PCDHB3: variants seen among roughly 807,000 people sequenced by gnomAD.
PCDHB3 encodes the protein protocadherin beta-3.
For synonymous variants in PCDHB3, 479 were observed against 456.0 expected (o/e 1.05, Z -0.64); for missense variants, 967 against 1,012.1 (o/e 0.96, Z 0.60).
In PCDHB3 at chr5:141,103,092, TTTTTTACTG is replaced by T. The variant is rs1554272747; in HGVS notation, c.*53_*61del. ...GTCTTAGTTAATCTGTGGAAAGTCC[TTTTTTACTG>T]CTTTGTCCATTGGAGAGGTCTTTTT... On this transcript the variant is annotated 3_prime_UTR_variant, in exon 1 of 1. Coordinates refer to ENST00000231130, the MANE Select transcript of PCDHB3 (RefSeq NM_018937.5). 2.6e-6 allele frequency: 4 copies of T among 1,543,558 alleles called. No homozygotes were observed. The African/African-American group carries it at 5.5e-5, about 21-fold the overall frequency.
Position 141,102,310 on chromosome 5 carries a change from C to T in PCDHB3, c.1661C>T (p.Ala554Val), listed in dbSNP as rs1554272537. The change falls in exon 1 of 1, where the codon GCC becomes GTC. Residue 554 changes from alanine (A) to valine (V), a missense_variant. Transcript: ENST00000231130. ...EALVRVLVLD[A>V]NDNSPFVLYP... Reference sequence around the variant, plus strand: ...CTGGTGCGCGTGCTGGTGCTGGACGCCAACGACAACTCGCCCTTCGTGCTG... The same window carrying T: ...CTGGTGCGCGTGCTGGTGCTGGACGTCAACGACAACTCGCCCTTCGTGCTG... 1.2e-6 allele frequency: 2 copies of T among 1,611,664 alleles called. No individual in the cohort carries two copies. The highest frequency in any genetic ancestry group is 1.7e-6 in the Non-Finnish European group (2 of 1,179,688).
rs782181648 is a variant in PCDHB3, at chr5:141,101,267, G to C, written c.618G>C (p.Pro206=). The change falls in exon 1 of 1, where the codon CCG becomes CCC. Residue 206 remains proline, a synonymous_variant. Coordinates refer to ENST00000231130, the MANE Select transcript of PCDHB3 (RefSeq NM_018937.5). ...LDKALDPEEQ[P]ELSLTLTALD... is the part of the protein sequence containing the mutation. The stretch of plus-strand genomic sequence containing the variant: ...AAGCGCTCGATCCGGAGGAGCAGCC[G>C]GAACTCAGCTTAACGCTCACCGCGC... The C allele has an allele frequency of 6.2e-7, 1 of 1,614,154 alleles. No individual in the cohort carries two copies.
At position 141,102,779 on chromosome 5, in the gene PCDHB3, G is replaced by C; in HGVS notation, c.2130G>C (p.Ala710=). The change falls in exon 1 of 1, where the codon GCG becomes GCC. Residue 710 remains alanine, a synonymous_variant. Coordinates refer to ENST00000231130, the MANE Select transcript of PCDHB3 (RefSeq NM_018937.5). The part of the protein sequence containing the change: ...LFLFSVLLFV[A]VRLCRRSRAA... ...TCTTTTCGGTGCTCCTGTTCGTGGC[G>C]GTGCGGCTGTGCAGGAGGAGCAGGG... The C allele has an allele frequency of 6.2e-7, 1 of 1,612,240 alleles. No homozygotes were observed. Among genetic ancestry groups the C allele is most frequent in the Non-Finnish European group, 8.5e-7 (1 of 1,179,776 alleles).
rs1415382355 is a variant in PCDHB3, at chr5:141,101,226, G to A, written c.577G>A (p.Glu193Lys). 4 of 1,614,122 alleles carry A rather than the reference G, an allele frequency of 2.5e-6. No homozygotes were observed. The highest frequency in any genetic ancestry group is 3.4e-6 in the Non-Finnish European group (4 of 1,180,022). ...RSRRDGRKYP[E>K]LVLDKALDPE... is the part of the protein sequence containing the mutation. Reference sequence around the variant, plus strand: ...TCGTAGGGACGGAAGGAAGTACCCGGAACTAGTACTGGATAAAGCGCTCGA... The same window carrying A: ...TCGTAGGGACGGAAGGAAGTACCCGAAACTAGTACTGGATAAAGCGCTCGA... Residue 193 changes from glutamate (E) to lysine (K), a missense_variant, in exon 1 of 1, where the codon GAA (glutamate) becomes AAA (lysine). Physicochemically the swap from Glu to Lys is moderately conservative, Grantham distance 56. Coordinates refer to ENST00000231130, the MANE Select transcript of PCDHB3 (RefSeq NM_018937.5).
chr5:141,103,143 A>G lies in PCDHB3; in HGVS notation c.*103A>G. ...GGTCTTTTTTGGTCTGGTTCAAGGC[A>G]AGTAGCAAGAATAGAGCAAAATATC... On this transcript the variant is annotated 3_prime_UTR_variant, in exon 1 of 1. Coordinates refer to ENST00000231130, the MANE Select transcript of PCDHB3 (RefSeq NM_018937.5). The G allele has an allele frequency of 7.3e-7, 1 of 1,371,950 alleles. No individual in the cohort carries two copies. Among genetic ancestry groups the G allele is most frequent in the South Asian group, 1.4e-5 (1 of 69,522 alleles). 85.0% of individuals were successfully genotyped at this position (1,371,950 alleles called of 1,614,324 possible). A position where few individuals can be genotyped will look rare whatever the true frequency, so the allele number is the denominator to read the frequency against.
In PCDHB3 at chr5:141,101,970, G is replaced by A. The variant is rs1191665643; in HGVS notation, c.1321G>A (p.Val441Ile). The change falls in exon 1 of 1, where the codon GTC becomes ATC. Residue 441 changes from valine (V) to isoleucine (I), a missense_variant. Transcript: ENST00000231130. ...LKTKYNITVL[V>I]SDVNDNAPAF... ...AACCAAGTACAACATAACCGTGCTGGTCTCCGACGTCAATGACAACGCCCC... is the reference window on the plus strand; with the variant it reads ...AACCAAGTACAACATAACCGTGCTGATCTCCGACGTCAATGACAACGCCCC... The A allele has an allele frequency of 8.7e-6, 14 of 1,613,568 alleles. No individual in the cohort carries two copies. The highest frequency in any genetic ancestry group is 1.7e-5 in the Admixed American group (1 of 60,018).
chr5:141,102,610 C>T lies in PCDHB3; in HGVS notation c.1961C>T (p.Ala654Val). 6.2e-7 allele frequency: 1 copy of T among 1,608,860 alleles called. No homozygotes were observed. The highest frequency in any genetic ancestry group is 1.7e-5 in the Admixed American group (1 of 60,002). The change falls in exon 1 of 1, where the codon GCC becomes GTC. Residue 654 changes from alanine (A) to valine (V), a missense_variant. Coordinates refer to ENST00000231130, the MANE Select transcript of PCDHB3 (RefSeq NM_018937.5). ...VKDNGEPPRS[A>V]TATLHVLLVD... ...GACAATGGCGAGCCTCCGCGCTCGG[C>T]CACCGCCACGCTGCATGTGCTCCTG...
Position 141,102,169 on chromosome 5 carries a change from A to G in PCDHB3, c.1520A>G (p.Asn507Ser). ...CCCCTCTCTTCCCTGGTCTCCATCA[A>G]CGCGGACAACGGCCACCTGTTTGCC... The part of the protein sequence containing the change: ...HLPLSSLVSI[N>S]ADNGHLFALR... Residue 507 changes from asparagine to serine, a missense_variant, in exon 1 of 1, where the codon AAC (asparagine) becomes AGC (serine). Coordinates refer to ENST00000231130, the MANE Select transcript of PCDHB3 (RefSeq NM_018937.5). 1.2e-6 allele frequency: 2 copies of G among 1,612,978 alleles called. No individual in the cohort carries two copies. Among genetic ancestry groups the G allele is most frequent in the South Asian group, 1.1e-5 (1 of 91,010 alleles).
rs1164608040 is a variant in PCDHB3, at chr5:141,100,718, G to A, written c.69G>A (p.Gly23=). 3 of 1,613,848 alleles carry A rather than the reference G, an allele frequency of 1.9e-6. No homozygotes were observed. Among genetic ancestry groups the A allele is most frequent in the East Asian group, 4.5e-5 (2 of 44,876 alleles). Residue 23 remains glycine (G), a synonymous_variant, in exon 1 of 1, where the codon GGG becomes GGA. Coordinates refer to ENST00000231130, the MANE Select transcript of PCDHB3 (RefSeq NM_018937.5). ...TGCTTCTCTTTGTTTTTCTGGGAGG[G>A]TCTCTGGCTGGGTCCGAGTCAAGAC... The part of the protein sequence containing the change: ...QVLLLFVFLG[G]SLAGSESRRY...
Position 141,101,876 on chromosome 5 carries a change from GGACA to G in PCDHB3, c.1230_1233del (p.Asp410GlufsTer21), listed in dbSNP as rs1563836563. The G allele has an allele frequency of 2.5e-6, 4 of 1,614,028 alleles. No homozygotes were observed. The highest frequency in any genetic ancestry group is 3.4e-6 in the Non-Finnish European group (4 of 1,180,038). ...ACACCCTAGTGTCAGAAGGCGCGCT[GGACA>G]GAGAGACCAGATCCGAGTACAACAT... On this transcript the variant is annotated frameshift_variant, in exon 1 of 1. Transcript: ENST00000231130. LOFTEE classifies it low-confidence loss of function (END_TRUNC).
rs964519938 is a variant in PCDHB3 at position 141,103,302 on chromosome 5, G to A, written c.*262G>A. ...ATATATTGATTCTACTTTTTCTGTA[G>A]TTAATCCTTGCATATTCTCCTTTCA... On this transcript the variant is annotated 3_prime_UTR_variant, in exon 1 of 1. Transcript: ENST00000231130. The A allele has an allele frequency of 5.2e-5, 18 of 343,278 alleles. No individual in the cohort carries two copies. Among genetic ancestry groups the A allele is most frequent in the Non-Finnish European group, 8.8e-5 (17 of 193,042 alleles). The allele number at this position is 343,278 out of a possible 1,614,324, so 21.3% of individuals were successfully genotyped here. A position where few individuals can be genotyped will look rare whatever the true frequency, so the allele number is the denominator to read the frequency against.
At position 141,102,727 on chromosome 5, in the gene PCDHB3, C is replaced by G. The variant is rs1204175988; in HGVS notation, c.2078C>G (p.Ala693Gly). The G allele has an allele frequency of 6.2e-7, 1 of 1,611,790 alleles. No individual in the cohort carries two copies. The highest frequency in any genetic ancestry group is 1.3e-5 in the African/African-American group (1 of 74,896). The change falls in exon 1 of 1, where the codon GCA becomes GGA. Residue 693 changes from alanine (A) to glycine (G), a missense_variant. Transcript: ENST00000231130. ...TTGCTCACCGTCTACCTGGTGGTGG[C>G]ATTGGCCTCGGTGTCTTCGCTCTTC... ...ADLLTVYLVV[A>G]LASVSSLFLF... is the part of the protein sequence containing the mutation.
rs61738636 is a variant in PCDHB3 at position 141,102,422 on chromosome 5, G to A, written c.1773G>A (p.Ala591=). ...GCTACCTGGTGACCAAGGTGGTGGC[G>A]GTGGACGGCGACTCGGGCCAGAACG... ...EPGYLVTKVV[A]VDGDSGQNAW... The change falls in exon 1 of 1, where the codon GCG becomes GCA. Residue 591 remains alanine (A), a synonymous_variant. Transcript: ENST00000231130. The A allele has an allele frequency of 5.6e-6, 9 of 1,610,644 alleles. No individual in the cohort carries two copies. Among genetic ancestry groups the A allele is most frequent in the Non-Finnish European group, 5.9e-6 (7 of 1,179,654 alleles).
In PCDHB3 at chr5:141,102,245, C is replaced by A. The variant is rs782150356; in HGVS notation, c.1596C>A (p.Gly532=). The A allele has an allele frequency of 3.7e-6, 6 of 1,612,226 alleles. No homozygotes were observed. The highest frequency in any genetic ancestry group is 1.1e-5 in the South Asian group (1 of 91,008). The change falls in exon 1 of 1, where the codon GGC becomes GGA. Residue 532 remains glycine (G), a synonymous_variant. Transcript: ENST00000231130. ...EALQAFEFRV[G]ATDRGSPALS... Reference sequence around the variant, plus strand: ...TGCAGGCGTTCGAGTTCCGCGTGGGCGCCACAGACCGTGGCTCCCCGGCTT... The same window carrying A: ...TGCAGGCGTTCGAGTTCCGCGTGGGAGCCACAGACCGTGGCTCCCCGGCTT...
At position 141,100,979 on chromosome 5, in the gene PCDHB3, G is replaced by A; in HGVS notation, c.330G>A (p.Leu110=). ...EPCILHFQIL[L]QNPLQFVTNE... ...GCATACTACATTTTCAGATATTACT[G>A]CAAAACCCTTTGCAATTCGTTACAA... Residue 110 remains leucine (L), a synonymous_variant, in exon 1 of 1, where the codon CTG becomes CTA. Transcript: ENST00000231130. The A allele has an allele frequency of 1.2e-6, 2 of 1,614,054 alleles. No homozygotes were observed. Among genetic ancestry groups the A allele is most frequent in the Non-Finnish European group, 1.7e-6 (2 of 1,180,026 alleles).
Position 141,101,731 on chromosome 5 carries a change from G to A in PCDHB3, c.1082G>A (p.Gly361Glu). 1.9e-6 allele frequency: 3 copies of A among 1,614,016 alleles called. No individual in the cohort carries two copies. The highest frequency in any genetic ancestry group is 2.5e-6 in the Non-Finnish European group (3 of 1,179,982). Residue 361 changes from glycine (G) to glutamate (E), a missense_variant, in exon 1 of 1, where the codon GGA becomes GAA. By Grantham distance (98) the Gly-to-Glu change is moderately conservative (BLOSUM62 -2). Transcript: ENST00000231130. ...SVNSPIPENS[G>E]ETVLAVFSVS... ...AACAGCCCTATTCCTGAGAACTCGG[G>A]AGAGACTGTACTGGCTGTTTTCAGT...
rs1554272204 is a variant in PCDHB3, at chr5:141,101,157, T to C, written c.508T>C (p.Tyr170His). 1.2e-6 allele frequency: 2 copies of C among 1,614,032 alleles called. No homozygotes were observed. The highest frequency in any genetic ancestry group is 1.7e-6 in the Non-Finnish European group (2 of 1,180,038). The change falls in exon 1 of 1, where the codon TAC (tyrosine) becomes CAC (histidine). Residue 170 changes from tyrosine to histidine, a missense_variant. Physicochemically the swap from Tyr to His is moderately conservative, Grantham distance 83. Transcript: ENST00000231130. ...TGTGGGAAGAAACAGCCTCCAAAACTACACTATCACTCCGAATTCCCACTT... is the reference window on the plus strand; with the variant it reads ...TGTGGGAAGAAACAGCCTCCAAAACCACACTATCACTCCGAATTCCCACTT... ...LDVGRNSLQN[Y>H]TITPNSHFHV...
rs12517102 is a variant in PCDHB3 at position 141,103,052 on chromosome 5, G to C, written c.*12G>C. 9,890 of 1,595,916 alleles carry C rather than the reference G, an allele frequency of 6.2e-3. 43 individuals are homozygous for C. Among genetic ancestry groups the C allele is most frequent in the Non-Finnish European group, 7.2e-3 (8,469 of 1,170,318 alleles). On this transcript the variant is annotated 3_prime_UTR_variant, in exon 1 of 1. Transcript: ENST00000231130. ...TTGAATTCAGTTAAGTGTTAATAAG[G>C]ATCTACTGAGCCTCGTCTTAGTTAA...
chr5:141,101,148 C>T lies in PCDHB3; in HGVS notation c.499C>T (p.Leu167Phe), dbSNP rs183975050. The T allele has an allele frequency of 6.2e-7, 1 of 1,614,170 alleles. No homozygotes were observed. The highest frequency in any genetic ancestry group is 1.1e-5 in the South Asian group (1 of 91,090). The change falls in exon 1 of 1, where the codon CTC becomes TTC. Residue 167 changes from leucine to phenylalanine, a missense_variant. By Grantham distance (22) the Leu-to-Phe change is conservative (BLOSUM62 0). Coordinates refer to ENST00000231130, the MANE Select transcript of PCDHB3 (RefSeq NM_018937.5). ...GGACTTGGATGTGGGAAGAAACAGC[C>T]TCCAAAACTACACTATCACTCCGAA... Reference protein sequence around the residue: ...AEDLDVGRNSLQNYTITPNSH... With the variant: ...AEDLDVGRNSFQNYTITPNSH...
Sources: allele counts gnomAD v4.1 joint callset, GRCh38; gene constraint gnomAD v4.1.1; transcripts MANE v1.5; gene names NCBI Gene and HGNC (gene_info 2026-07-23, HGNC 2026-07-21).